Variants in PDSS2 observed in about 807,000 individuals in gnomAD.
The protein encoded by PDSS2 is decaprenyl diphosphate synthase subunit 2, also known as all trans-polyprenyl-diphosphate synthase PDSS2.
Under a neutral mutation model 44.5 loss-of-function variants are expected in PDSS2, and 31 were observed. That is an observed-to-expected ratio of 0.70 (90% CI 0.52 to 0.94). PDSS2 has a LOEUF of 0.94. Ranked by LOEUF, PDSS2 falls within the 40% of genes least tolerant of loss-of-function variation. The probability of loss-of-function intolerance (pLI) is 0.00; values close to 1 mark genes in which losing one functional copy is unlikely to be tolerated. For synonymous variants in PDSS2, 157 were observed against 180.3 expected, an observed-to-expected ratio of 0.87 and a Z score of 1.03; for missense variants, 452 against 482.2, an observed-to-expected ratio of 0.94 and a Z score of 0.59.
intron 2 of PDSS2, among the ~76,000 whole-genome samples, chr6:107,315,646 T>G (rs1041422709): frequency 6.6e-6 from 1 of 152,198 alleles, no homozygotes; most frequent in South Asian, 2.1e-4. Flanking sequence ...GAGAAGCTCA[T>G]GGCCAGGTCA....
At chr6:107,173,364 A>C (rs1771657252) in intron 7 of PDSS2, among the ~76,000 whole-genome samples, 1 of 151,696 alleles carries the variant, frequency 6.6e-6, no homozygotes, top group East Asian at 1.9e-4. Context: ...ACCTGAGGTC[A>C]CGAGATTGAG....
chr6:107,438,958 G>A (rs932852918), intron 1 of PDSS2, among the ~76,000 whole-genome samples: 2 of 152,152 alleles, frequency 1.3e-5, no homozygotes, highest in African/African-American at 4.8e-5. Context: ...TGGTTCAGAA[G>A]GAAGGACTAT....
intron 6 of PDSS2, among the ~76,000 whole-genome samples, chr6:107,199,965 T>C (rs1461088324): frequency 6.6e-6 from 1 of 152,174 alleles, no homozygotes; most frequent in East Asian, 1.9e-4. Flanking sequence ...GAAGGGAACC[T>C]AAGCTTCCAT....
At chr6:107,313,060 A>G (rs1777092831) in intron 2 of PDSS2, among the ~76,000 whole-genome samples, 1 of 152,190 alleles carries the variant, frequency 6.6e-6, no homozygotes, top group Non-Finnish European at 1.5e-5. Context: ...TTTGAAAACT[A>G]TATCAGACTT....
chr6:107,261,945 G>C (rs1370665312), intron 3 of PDSS2, among the ~76,000 whole-genome samples: 1 of 118,568 alleles, frequency 8.4e-6, no homozygotes, highest in Admixed American at 1.1e-4. Context: ...GTCTGGCTCT[G>C]TTGCCCAGGC....
intron 1 of PDSS2, among the ~76,000 whole-genome samples, chr6:107,381,598 A>G (rs543036392): frequency 5.3e-5 from 8 of 152,322 alleles, no homozygotes; most frequent in Admixed American, 4.6e-4. Context: ...ACAGTCAAAA[A>G]CCAAGTAGAC....
chr6:107,387,233 T>A (rs988776488), intron 1 of PDSS2, among the ~76,000 whole-genome samples: 1 of 152,220 alleles, frequency 6.6e-6, no homozygotes, highest in African/African-American at 2.4e-5. Flanking sequence ...TGGTTGACTG[T>A]TCTTGGAGAT....
chr6:107,382,225 C>A (rs115565912), intron 1 of PDSS2, among the ~76,000 whole-genome samples: 320 of 152,142 alleles, frequency 2.1e-3, no homozygotes, highest in African/African-American at 7.4e-3. Context: ...GGGAGGTAAA[C>A]AAAAATGGCT....
chr6:107,169,791 C>T (rs1371382453), intron 7 of PDSS2, among the ~76,000 whole-genome samples: 7 of 152,178 alleles, frequency 4.6e-5, no homozygotes, highest in Non-Finnish European at 7.3e-5. Context: ...TGCAGAACAG[C>T]GAATATTGGT....
intron 1 of PDSS2, among the ~76,000 whole-genome samples, chr6:107,376,969 T>C (rs552964072): frequency 1.8e-4 from 27 of 151,892 alleles, no homozygotes; most frequent in African/African-American, 5.8e-4. Context: ...ATTCAGGACA[T>C]AGGCATGGGC....
intron 7 of PDSS2, among the ~76,000 whole-genome samples, chr6:107,159,019 G>T (rs1771016835): frequency 6.6e-6 from 1 of 152,144 alleles, no homozygotes; most frequent in Non-Finnish European, 1.5e-5. Context: ...GTGAGCCACT[G>T]CGCCCGGCCT....
chr6:107,375,141 G>A (rs1279605111), intron 1 of PDSS2, among the ~76,000 whole-genome samples: 2 of 151,664 alleles, frequency 1.3e-5, no homozygotes, highest in Non-Finnish European at 2.9e-5. Context: ...AGAAAAGAAA[G>A]ATTTCAAATC....
chr6:107,224,120 T>A (rs952112724), intron 4 of PDSS2, among the ~76,000 whole-genome samples: 1 of 151,250 alleles, frequency 6.6e-6, no homozygotes, highest in Non-Finnish European at 1.5e-5. Context: ...AGTGCTGTAT[T>A]CTAGGTGTGC....
chr6:107,399,543 C>A (rs1325843984), intron 1 of PDSS2, among the ~76,000 whole-genome samples: 1 of 152,140 alleles, frequency 6.6e-6, no homozygotes, highest in African/African-American at 2.4e-5. Flanking sequence ...TATGTCTATA[C>A]CAGTAATCCC....
chr6:107,362,504 T>C (rs770846958), intron 1 of PDSS2, among the ~76,000 whole-genome samples: 7 of 152,164 alleles, frequency 4.6e-5, no homozygotes, highest in Non-Finnish European at 8.8e-5. Flanking sequence ...TTGTGAAGGA[T>C]ACAGACTTCA....
At chr6:107,241,638 AC>A (rs1417095599) in intron 4 of PDSS2, among the ~76,000 whole-genome samples, 2 of 151,974 alleles carry the variant, frequency 1.3e-5, no homozygotes, top group Non-Finnish European at 2.9e-5. Flanking sequence ...AAGCCACCGC[AC>A]CCGGCTGCTC....
chr6:107,215,552 A>G (rs923357345), intron 4 of PDSS2, among the ~76,000 whole-genome samples: 2 of 152,172 alleles, frequency 1.3e-5, no homozygotes, highest in African/African-American at 4.8e-5. Context: ...GATATTTACA[A>G]TGTAATAGAA....
At chr6:107,446,341 T>G (rs1256775385) in intron 1 of PDSS2, among the ~76,000 whole-genome samples, 2 of 151,894 alleles carry the variant, frequency 1.3e-5, no homozygotes, top group East Asian at 3.9e-4. Flanking sequence ...AAGAAATAAT[T>G]ACAGACAAAC....
At chr6:107,406,247 A>T (rs1219183839) in intron 1 of PDSS2, among the ~76,000 whole-genome samples, 1 of 152,138 alleles carries the variant, frequency 6.6e-6, no homozygotes, top group East Asian at 1.9e-4. Flanking sequence ...GCTATATCAA[A>T]AATTATAAAA....
Sources: allele counts gnomAD v4.1 joint callset (sites outside exome capture counted in the v4.1 genomes callset), GRCh38; gene constraint gnomAD v4.1.1; transcripts MANE v1.5; gene names NCBI Gene and HGNC (gene_info 2026-07-23, HGNC 2026-07-21).